Variants in MPC1 observed in about 807,000 individuals in gnomAD.
MPC1 encodes HSPC040 protein.
Under a neutral mutation model 13.9 loss-of-function variants are expected in MPC1, and 6 were observed. That is an observed-to-expected ratio of 0.43 (90% confidence interval 0.24 to 0.85). The LOEUF is 0.85. MPC1 is among the 40% of genes least tolerant of loss of function. The pLI is 0.24. For synonymous variants in MPC1, 47 were observed against 50.5 expected (o/e 0.93, Z 0.29); for missense variants, 115 against 143.3 (o/e 0.80, Z 1.01).
At chr6:166,366,756 G>C in intron 3 of MPC1, 39 bp downstream of exon 3, 1 of 1,585,274 alleles carries the variant, frequency 6.3e-7, no homozygotes, top group Non-Finnish European at 8.7e-7. Context: ...GCTCTACTAT[G>C]TTGAAAGTCC....
chr6:166,369,035 A>G (rs1469785655), intron 2 of MPC1: 4 of 654,964 alleles, frequency 6.1e-6, no homozygotes, highest in Non-Finnish European at 7.6e-6. Flanking sequence ...GTGGGGCTAA[A>G]GCAGAAATGG....
chr6:166,382,228 T>C (rs1779816975), intron 1 of MPC1, among the ~76,000 whole-genome samples: 1 of 152,072 alleles, frequency 6.6e-6, no homozygotes, highest in Middle Eastern at 3.2e-3. Flanking sequence ...GCGCCCACTG[T>C]CACCCCTGCC....
At chr6:166,380,939 CA>C (rs1175434820) in intron 1 of MPC1, among the ~76,000 whole-genome samples, 1,166 of 47,720 alleles carry the variant, frequency 0.024, 5 homozygotes, top group African/African-American at 0.062. Context: ...AACTCTGTCT[CA>C]AAAAAAAAAA....
intron 1 of MPC1, among the ~76,000 whole-genome samples, chr6:166,380,471 T>C (rs908305647): frequency 6.6e-6 from 1 of 152,190 alleles, no homozygotes; most frequent in Admixed American, 6.5e-5. Flanking sequence ...GGAGAAAGTA[T>C]AAAAATTTAA....
intron 1 of MPC1, among the ~76,000 whole-genome samples, chr6:166,382,082 G>A (rs1464006834): frequency 1.3e-5 from 2 of 152,256 alleles, no homozygotes; most frequent in Non-Finnish European, 1.5e-5. Context: ...CGAGGATCTG[G>A]TAGAAACCGG....
At chr6:166,367,077 T>C in intron 2 of MPC1, 186 bp from the exon 3 acceptor site, 2 of 1,456,708 alleles carry the variant, frequency 1.4e-6, no homozygotes, top group African/African-American at 1.4e-5. Context: ...CAAGTGTTCC[T>C]GTAGGAATCA....
chr6:166,366,719 T>C, intron 3 of MPC1, 76 bp downstream of exon 3: 2 of 1,377,924 alleles, frequency 1.5e-6, no homozygotes, highest in Admixed American at 1.7e-5. Context: ...TAACATCTAG[T>C]GCTACAATCT....
In MPC1 at chr6:166,365,950, G is replaced by A. The variant is rs750258629; in HGVS notation, c.305+24C>T. 2 of 1,602,652 alleles carry A rather than the reference G, an allele frequency of 1.2e-6. No homozygotes were observed. The highest frequency in any genetic ancestry group is 1.3e-5 in the African/African-American group (1 of 74,406). ...AATTCCTCAAATTCCTGAAAAGAAA[G>A]TAACTAAATTGAAATCTGCTTACTC... is the stretch of plus-strand genomic sequence containing the variant. On this transcript the variant is annotated intron_variant, in intron 4 of 4. Coordinates refer to ENST00000360961, the MANE Select transcript of MPC1 (RefSeq NM_016098.4). The surrounding 1 kb of genome is among the most constrained non-coding windows in gnomAD (Gnocchi z 4.2).
Position 166,365,400 on chromosome 6 carries a change from T to C in MPC1, c.*29A>G. 6.4e-7 allele frequency: 1 copy of C among 1,556,158 alleles called. No individual in the cohort carries two copies. The highest frequency in any genetic ancestry group is 8.7e-7 in the Non-Finnish European group (1 of 1,148,844). Reference sequence around the variant, plus strand: ...CAGCAGCAGCTGGCAATGCTGTCCCTTCAAGACCTTGTTCTTCCTTTTCCA... The same window carrying C: ...CAGCAGCAGCTGGCAATGCTGTCCCCTCAAGACCTTGTTCTTCCTTTTCCA... On this transcript the variant is annotated 3_prime_UTR_variant, in exon 5 of 5. Transcript: ENST00000360961. The surrounding 1 kb of genome is among the most constrained non-coding windows in gnomAD (Gnocchi z 4.2).
In MPC1 at chr6:166,370,966, C is replaced by A. The variant is rs541637912; in HGVS notation, c.72-745G>T. On this transcript the variant is annotated intron_variant, in intron 1 of 4. Transcript: ENST00000360961. ...TAATCAATAAAAACTATTCATTAGA[C>A]CTTTTACATGCTTTTTCATACAATT... Among the ~76,000 whole-genome samples, 5 of 152,252 alleles carry A rather than the reference C, an allele frequency of 3.3e-5. No homozygotes were observed. The East Asian group carries it at 5.8e-4, about 18-fold the overall frequency.
At chr6:166,370,867 G>T (rs1779354786) in intron 1 of MPC1, among the ~76,000 whole-genome samples, 1 of 152,078 alleles carries the variant, frequency 6.6e-6, no homozygotes, top group Admixed American at 6.6e-5. Context: ...AAAGTAAAAA[G>T]AAACCACAGA....
chr6:166,373,576 C>T (rs1362248886), intron 1 of MPC1, among the ~76,000 whole-genome samples: 1 of 152,156 alleles, frequency 6.6e-6, no homozygotes, highest in African/African-American at 2.4e-5. Flanking sequence ...ATGAATAAAA[C>T]CTCTATAAAA....
At chr6:166,380,053 C>A (rs1215937917) in intron 1 of MPC1, among the ~76,000 whole-genome samples, 5 of 152,322 alleles carry the variant, frequency 3.3e-5, no homozygotes, top group Non-Finnish European at 2.9e-5. Context: ...GTAAACAGAT[C>A]AGCTGAATGT....
intron 2 of MPC1, 151 bp from the exon 3 acceptor site, chr6:166,367,042 G>A (rs546635527): frequency 6.6e-7 from 1 of 1,507,034 alleles, no homozygotes; most frequent in Non-Finnish European, 8.9e-7. Context: ...TTAATTGATG[G>A]TTAACATTTA....
Position 166,365,286 on chromosome 6 carries a change from C to G in MPC1, c.*143G>C. The G allele has an allele frequency of 1.5e-6, 1 of 653,054 alleles. No homozygotes were observed. The highest frequency in any genetic ancestry group is 2.3e-6 in the Non-Finnish European group (1 of 430,864). The allele number at this position is 653,054 out of a possible 1,614,324, so 40.5% of individuals were successfully genotyped here. A position where few individuals can be genotyped will look rare whatever the true frequency, so the allele number is the denominator to read the frequency against. On this transcript the variant is annotated 3_prime_UTR_variant, in exon 5 of 5. Coordinates refer to ENST00000360961, the MANE Select transcript of MPC1 (RefSeq NM_016098.4). This position sits in a 1 kb window ranked among gnomAD's most constrained non-coding sequence, Gnocchi z 4.2. ...AGCAGAGAGTTGGTTTAGAAACTCT[C>G]AGCTATTTCTATAAAAATAGAATGG...
At chr6:166,381,899 C>T (rs890693015) in intron 1 of MPC1, 19 of 804,604 alleles carry the variant, frequency 2.4e-5, no homozygotes, top group Non-Finnish European at 2.9e-5. Context: ...GAACCCAAGG[C>T]CAGCACATTT....
At chr6:166,382,671 C>T in intron 1 of MPC1, 135 bp downstream of exon 1, 1 of 880,582 alleles carries the variant, frequency 1.1e-6, no homozygotes, top group Non-Finnish European at 1.6e-6. Context: ...CAAGCGCACC[C>T]TCTCGCCTGG....
intron 2 of MPC1, chr6:166,368,665 G>A (rs1490618738): frequency 2.7e-6 from 2 of 729,406 alleles, no homozygotes; most frequent in Non-Finnish European, 3.3e-6. Context: ...AATATGGCCA[G>A]TTTTCTTTTT....
At chr6:166,377,572 A>C (rs577373395) in intron 1 of MPC1, among the ~76,000 whole-genome samples, 6 of 152,378 alleles carry the variant, frequency 3.9e-5, no homozygotes, top group Admixed American at 6.5e-5. Flanking sequence ...AGCCTAGCAT[A>C]GTATATTTCT....
Sources: allele counts gnomAD v4.1 joint callset (sites outside exome capture counted in the v4.1 genomes callset), GRCh38; gene constraint gnomAD v4.1.1; non-coding constraint Gnocchi (gnomAD v3.1); transcripts MANE v1.5; gene names NCBI Gene and HGNC (gene_info 2026-07-23, HGNC 2026-07-21).